The following CDH4 variants were observed in gnomAD, a reference collection of about 807,000 sequenced individuals.
CDH4 encodes the protein cadherin-4.
A neutral mutation model predicts 86.0 loss-of-function variants in CDH4; 33 were observed. That is an observed-to-expected ratio of 0.38 (90% CI 0.29 to 0.51). The LOEUF is 0.51. Ranked by LOEUF, CDH4 falls within the 20% of genes least tolerant of loss-of-function variation. The pLI, the probability that CDH4 is intolerant of heterozygous loss-of-function variation, is 0.86. For synonymous variants in CDH4, 555 were observed against 549.4 expected (o/e 1.01, Z -0.14); for missense variants, 1,114 against 1,307.4 (o/e 0.85, Z 2.28).
chr20:61,440,272 A>G (rs927609557), intron 2 of CDH4, among the ~76,000 whole-genome samples: 1 of 152,222 alleles, frequency 6.6e-6, no homozygotes, highest in Non-Finnish European at 1.5e-5. Flanking sequence ...TACTGAAGTG[A>G]TGAATGATTC....
At chr20:61,500,007 C>T (rs144520641) in intron 2 of CDH4, among the ~76,000 whole-genome samples, 116 of 152,238 alleles carry the variant, frequency 7.6e-4, no homozygotes, top group African/African-American at 2.7e-3. Flanking sequence ...GCCATGAGAA[C>T]TATTATTATT....
chr20:61,530,495 G>T (rs750896404), intron 2 of CDH4, among the ~76,000 whole-genome samples: 1 of 152,080 alleles, frequency 6.6e-6, no homozygotes, highest in Admixed American at 6.5e-5. Flanking sequence ...GGATGCCGTG[G>T]CAAGGGGACC....
chr20:61,599,510 G>C (rs1031110126), intron 2 of CDH4, among the ~76,000 whole-genome samples: 14 of 151,952 alleles, frequency 9.2e-5, no homozygotes, highest in Non-Finnish European at 1.9e-4. Flanking sequence ...CACTGTGGCT[G>C]GAGGTGTGGG....
intron 4 of CDH4, among the ~76,000 whole-genome samples, chr20:61,788,877 C>A (rs75277705): frequency 0.054 from 8,265 of 152,264 alleles, 717 homozygotes; most frequent in African/African-American, 0.19. Context: ...TGGAAATCAA[C>A]CTGTCCATTA....
rs1265652260 is a variant in CDH4 at position 61,309,910 on chromosome 20, A to G, written c.169+54973A>G. 3.9e-5 allele frequency among the ~76,000 whole-genome samples: 6 copies of G among 152,336 alleles called. No individual in the cohort carries two copies. The East Asian group carries it at 1.2e-3, about 29-fold the overall frequency. ...ATTAAAGAGAAGAAGGACATGGAGC[A>G]GAAGTGTGGCAGGGGCTGGCCAGGT... On this transcript the variant is annotated intron_variant, in intron 2 of 15. Coordinates refer to ENST00000614565, the MANE Select transcript of CDH4 (RefSeq NM_001794.5).
At chr20:61,768,457 G>A (rs2145980002) in intron 3 of CDH4, among the ~76,000 whole-genome samples, 1 of 152,252 alleles carries the variant, frequency 6.6e-6, no homozygotes. Flanking sequence ...TGTAGTAGAG[G>A]TCACCCTTAA....
rs1447454749 is a variant in CDH4 at position 61,647,568 on chromosome 20, TCCCTCCCTCC to T, written c.170-95989_170-95980del. ...CTCCCTCTCCCTCTCCCTCTCCCTC[TCCCTCCCTCC>T]CCCTCTCCTCTCTCTCCTCACAAGG... On this transcript the variant is annotated intron_variant, in intron 2 of 15. Transcript: ENST00000614565. 3.3e-3 allele frequency among the ~76,000 whole-genome samples: 336 copies of T among 103,370 alleles called. 4 individuals are homozygous for T. Among genetic ancestry groups the T allele is most frequent in the African/African-American group, 0.013 (321 of 23,800 alleles). 67.8% of individuals were successfully genotyped at this position (103,370 alleles called of 152,430 possible).
chr20:61,503,183 A>G (rs1009605045), intron 2 of CDH4, among the ~76,000 whole-genome samples: 4 of 152,154 alleles, frequency 2.6e-5, no homozygotes, highest in Admixed American at 1.3e-4. Context: ...AACTGGCTCT[A>G]AGAAACGGGA....
At chr20:61,790,726 A>T (rs1328617909) in intron 4 of CDH4, among the ~76,000 whole-genome samples, 1 of 142,602 alleles carries the variant, frequency 7.0e-6, no homozygotes, top group African/African-American at 2.7e-5. Context: ...TCATCTCTCC[A>T]CTCATCCTTT....
intron 2 of CDH4, among the ~76,000 whole-genome samples, chr20:61,411,033 A>G (rs2085116297): frequency 6.7e-6 from 1 of 149,900 alleles, no homozygotes; most frequent in South Asian, 2.1e-4. Flanking sequence ...CACCCACACA[A>G]CCGTCCATTC....
chr20:61,534,665 C>CTTT lies in CDH4; in HGVS notation c.170-208878_170-208876dup, dbSNP rs34309371. Among the ~76,000 whole-genome samples the CTTT allele has an allele frequency of 3.9e-3, 295 of 76,006 alleles. 18 individuals carry two copies. The highest frequency in any genetic ancestry group is 0.021 in the African/African-American group (192 of 9,316). The allele number at this position is 76,006 out of a possible 152,430, so 49.9% of individuals were successfully genotyped here. A position where few individuals can be genotyped will look rare whatever the true frequency, so the allele number is the denominator to read the frequency against. On this transcript the variant is annotated intron_variant, in intron 2 of 15. Transcript: ENST00000614565. ...CTTTCTTTCTTTTCTTTCTTTCTTTCTTTTTTTTTTTTTTTTTTTTTTGAG... is the reference window on the plus strand; with the variant it reads ...CTTTCTTTCTTTTCTTTCTTTCTTTCTTTTTTTTTTTTTTTTTTTTTTTTTGAG...
intron 2 of CDH4, among the ~76,000 whole-genome samples, chr20:61,617,274 T>C (rs905194250): frequency 6.6e-6 from 1 of 152,182 alleles, no homozygotes; most frequent in African/African-American, 2.4e-5. Context: ...GGGCAGGGAC[T>C]CCACTCTATC....
At chr20:61,699,075 T>C (rs2087745240) in intron 2 of CDH4, among the ~76,000 whole-genome samples, 1 of 152,248 alleles carries the variant, frequency 6.6e-6, no homozygotes, top group Admixed American at 6.5e-5. Flanking sequence ...TGTCTTTATC[T>C]GGAGAAAGAT....
At chr20:61,283,652 G>T (rs1330784991) in intron 2 of CDH4, among the ~76,000 whole-genome samples, 1 of 152,206 alleles carries the variant, frequency 6.6e-6, no homozygotes, top group Non-Finnish European at 1.5e-5. Context: ...GAGTGGATGG[G>T]AGGATATTTC....
intron 2 of CDH4, among the ~76,000 whole-genome samples, chr20:61,519,510 C>T (rs1170819253): frequency 1.3e-5 from 2 of 152,220 alleles, no homozygotes; most frequent in Admixed American, 1.3e-4. Flanking sequence ...CTCCTTAAGC[C>T]TCACGGTACA....
intron 2 of CDH4, among the ~76,000 whole-genome samples, chr20:61,420,903 G>GA (rs2085174281): frequency 6.6e-6 from 1 of 152,234 alleles, no homozygotes; most frequent in African/African-American, 2.4e-5. Flanking sequence ...TCCCACGGGG[G>GA]ACGATAGGAC....
chr20:61,271,665 G>A lies in CDH4; in HGVS notation c.169+16728G>A, dbSNP rs116551336. Among the ~76,000 whole-genome samples, 585 of 152,322 alleles carry A rather than the reference G, an allele frequency of 3.8e-3. 4 individuals are homozygous for A. The highest frequency in any genetic ancestry group is 0.013 in the African/African-American group (559 of 41,572). ...TTCTTACAGCGGTGCGTGAAGCCAC[G>A]TGAACTGAACATCAGAATTTGATTT... On this transcript the variant is annotated intron_variant, in intron 2 of 15. Transcript: ENST00000614565.
At chr20:61,876,286 G>T (rs1467727162) in intron 7 of CDH4, among the ~76,000 whole-genome samples, 2 of 152,222 alleles carry the variant, frequency 1.3e-5, no homozygotes, top group East Asian at 3.9e-4. Flanking sequence ...AAGCACAGGG[G>T]CCAAAAGGGC....
At chr20:61,653,612 C>A (rs2087151593) in intron 2 of CDH4, among the ~76,000 whole-genome samples, 2 of 136,330 alleles carry the variant, frequency 1.5e-5, no homozygotes, top group African/African-American at 2.6e-5. Flanking sequence ...GGCAGAGACG[C>A]TCCTCACTTC....
Sources: allele counts gnomAD v4.1 joint callset (sites outside exome capture counted in the v4.1 genomes callset), GRCh38; gene constraint gnomAD v4.1.1; transcripts MANE v1.5; gene names NCBI Gene and HGNC (gene_info 2026-07-23, HGNC 2026-07-21).